The following CAT variants were observed in gnomAD, a reference collection of about 807,000 sequenced individuals.
The protein encoded by CAT is catalase, also known as epididymis secretory sperm binding protein.
In CAT, 43 loss-of-function variants were observed where a neutral mutation model predicts 59.0. The observed-to-expected ratio is 0.73, with a 90% confidence interval of 0.57 to 0.94. The LOEUF is 0.94. CAT is among the 40% of genes least tolerant of loss of function. CAT has a pLI of 0.00. For synonymous variants in CAT, 218 were observed against 230.9 expected (o/e 0.94, Z 0.51); for missense variants, 664 against 682.9 (o/e 0.97, Z 0.31).
chr11:34,461,853 G>A (rs1013364207), intron 9 of CAT, among the ~76,000 whole-genome samples: 3 of 152,208 alleles, frequency 2.0e-5, no homozygotes, highest in African/African-American at 7.2e-5. Context: ...GGAGGAGCAG[G>A]TCTAGCTAGA....
intron 1 of CAT, among the ~76,000 whole-genome samples, chr11:34,442,706 G>A (rs1251803007): frequency 6.6e-6 from 1 of 152,318 alleles, no homozygotes; most frequent in East Asian, 1.9e-4. Flanking sequence ...GTTATTGAGG[G>A]CACCAGGCTG....
chr11:34,470,975 G>C lies in CAT; in HGVS notation c.1452G>C (p.Glu484Asp). 2 of 1,614,096 alleles carry C rather than the reference G, an allele frequency of 1.2e-6. No individual in the cohort carries two copies. Among genetic ancestry groups the C allele is most frequent in the Non-Finnish European group, 1.7e-6 (2 of 1,179,966 alleles). ...IQKKAVKNFTEVHPDYGSHIQ... is the reference protein window; with the variant it reads ...IQKKAVKNFTDVHPDYGSHIQ... ...GGCCTTAGGTCAAGAACTTCACTGA[G>C]GTCCACCCTGACTACGGGAGCCACA... The change falls in exon 12 of 13, where the codon GAG becomes GAC. Residue 484 changes from glutamate to aspartate, a missense_variant. By Grantham distance (45) the Glu-to-Asp change is conservative. Coordinates refer to ENST00000241052, the MANE Select transcript of CAT (RefSeq NM_001752.4).
chr11:34,469,108 C>T (rs1432114922), intron 11 of CAT, among the ~76,000 whole-genome samples: 3 of 152,156 alleles, frequency 2.0e-5, no homozygotes, highest in Non-Finnish European at 4.4e-5. Flanking sequence ...TGAGTGAAGC[C>T]CTCTCACTTC....
At chr11:34,467,287 ATATG>A (rs1344372317) in intron 10 of CAT, among the ~76,000 whole-genome samples, 11 of 152,368 alleles carry the variant, frequency 7.2e-5, no homozygotes, top group African/African-American at 2.6e-4. Flanking sequence ...TTTTCACGCA[ATATG>A]TCAAATACAG....
At chr11:34,469,867 T>C (rs1170364194) in intron 11 of CAT, among the ~76,000 whole-genome samples, 1 of 152,170 alleles carries the variant, frequency 6.6e-6, no homozygotes, top group Non-Finnish European at 1.5e-5. Flanking sequence ...GGTTTTGCCA[T>C]GTTAACCAGG....
chr11:34,454,017 C>T lies in CAT; in HGVS notation c.711+91C>T, dbSNP rs1210456830. 5 of 1,362,598 alleles carry T rather than the reference C, an allele frequency of 3.7e-6. No homozygotes were observed. The African/African-American group carries it at 4.3e-5, about 12-fold the overall frequency. The allele number at this position is 1,362,598 out of a possible 1,614,324, so 84.4% of individuals were successfully genotyped here. On this transcript the variant is annotated intron_variant, in intron 6 of 12. Transcript: ENST00000241052. ...GGATTGAGCAAAGATTAAGGCTTCT[C>T]CCACTTTTCCCTCACCTCCATCCCC... is the stretch of plus-strand genomic sequence containing the variant.
chr11:34,464,938 C>A (rs1002888581), intron 10 of CAT, among the ~76,000 whole-genome samples: 1 of 151,988 alleles, frequency 6.6e-6, no homozygotes, highest in African/African-American at 2.4e-5. Context: ...AATCTTTTCA[C>A]CCCAGGTTGC....
At chr11:34,445,020 CTG>C (rs540770372) in intron 1 of CAT, among the ~76,000 whole-genome samples, 22 of 152,142 alleles carry the variant, frequency 1.4e-4, no homozygotes, top group Non-Finnish European at 2.4e-4. Flanking sequence ...GAGGGATAGA[CTG>C]TTGCTGCTTC....
chr11:34,471,216 A>G (rs1856769268), intron 12 of CAT, 152 bp from the exon 13 acceptor site: 10 of 849,170 alleles, frequency 1.2e-5, no homozygotes, highest in South Asian at 1.1e-4. Flanking sequence ...GGCAAAACAC[A>G]TACTCTTCAT....
chr11:34,454,329 G>T (rs1057138779), intron 6 of CAT, among the ~76,000 whole-genome samples: 1 of 152,136 alleles, frequency 6.6e-6, no homozygotes, highest in African/African-American at 2.4e-5. Context: ...TTACATCTGG[G>T]GAGGGTTTTG....
chr11:34,445,987 G>A (rs1002642231), intron 1 of CAT, among the ~76,000 whole-genome samples: 1 of 152,130 alleles, frequency 6.6e-6, no homozygotes, highest in Non-Finnish European at 1.5e-5. Context: ...AACTTGCGTG[G>A]TCCGTTTTCT....
intron 11 of CAT, chr11:34,470,722 A>G: frequency 1.8e-6 from 1 of 559,520 alleles, no homozygotes; most frequent in Non-Finnish European, 3.3e-6. Flanking sequence ...CGGCAGAGGG[A>G]CATAAGCTCA....
At chr11:34,439,150 C>T (rs368753937) in intron 1 of CAT, 71 bp downstream of exon 1, 3 of 1,406,488 alleles carry the variant, frequency 2.1e-6, no homozygotes, top group East Asian at 2.5e-5. Flanking sequence ...AGTAAAGGCC[C>T]GGCTTCCCCC....
At chr11:34,449,119 T>C (rs963121777) in intron 1 of CAT, 73 bp from the exon 2 acceptor site, 18 of 1,290,344 alleles carry the variant, frequency 1.4e-5, no homozygotes, top group Non-Finnish European at 1.9e-5. Context: ...TGCAAAGCTA[T>C]GTACCCGTGA....
At chr11:34,470,386 G>A (rs190644244) in intron 11 of CAT, among the ~76,000 whole-genome samples, 46 of 152,314 alleles carry the variant, frequency 3.0e-4, no homozygotes, top group African/African-American at 8.7e-4. Flanking sequence ...CCCTGACCTT[G>A]CCAGTTGTGG....
chr11:34,446,669 C>G (rs1194119231), intron 1 of CAT, among the ~76,000 whole-genome samples: 2 of 152,152 alleles, frequency 1.3e-5, no homozygotes, highest in Non-Finnish European at 2.9e-5. Flanking sequence ...AAATAACACT[C>G]TCATCTGTTT....
intron 3 of CAT, among the ~76,000 whole-genome samples, chr11:34,451,866 T>C (rs543862072): frequency 6.6e-6 from 1 of 152,364 alleles, no homozygotes; most frequent in Admixed American, 6.5e-5. Context: ...TTATTACATG[T>C]GTTCTCTTAT....
chr11:34,449,862 A>T (rs1016243117), intron 2 of CAT, among the ~76,000 whole-genome samples: 3 of 152,244 alleles, frequency 2.0e-5, no homozygotes, highest in Admixed American at 2.0e-4. Context: ...ATAGTTATTT[A>T]CTAGCTTATT....
chr11:34,442,582 C>CA (rs1856404165), intron 1 of CAT, among the ~76,000 whole-genome samples: 1 of 152,102 alleles, frequency 6.6e-6, no homozygotes, highest in Non-Finnish European at 1.5e-5. Flanking sequence ...GCCTGGGCAA[C>CA]AAGAGTGAAA....
Sources: allele counts gnomAD v4.1 joint callset (sites outside exome capture counted in the v4.1 genomes callset), GRCh38; gene constraint gnomAD v4.1.1; transcripts MANE v1.5; gene names NCBI Gene and HGNC (gene_info 2026-07-23, HGNC 2026-07-21).